Variants in SLC35F4 observed in about 807,000 individuals in gnomAD.
SLC35F4 encodes the protein solute carrier family 35 member F4.
Under a neutral mutation model 44.2 loss-of-function variants are expected in SLC35F4, and 24 were observed. The observed-to-expected ratio is 0.54, with a 90% CI of 0.39 to 0.76. The LOEUF (loss-of-function observed/expected upper bound fraction) is 0.76. SLC35F4 is among the 30% of genes least tolerant of loss of function. SLC35F4 has a pLI of 0.00. For missense variants in SLC35F4, 562 were observed against 586.1 expected (o/e 0.96, Z 0.42); for synonymous variants, 238 against 223.6 (o/e 1.06, Z -0.57).
chr14:57,849,044 T>C (rs892091064), intron 1 of SLC35F4, among the ~76,000 whole-genome samples: 2 of 152,332 alleles, frequency 1.3e-5, no homozygotes, highest in South Asian at 2.1e-4. Flanking sequence ...AATTTGAAAG[T>C]GGTATATAAT....
At chr14:57,829,762 T>C (rs990388831) in intron 1 of SLC35F4, among the ~76,000 whole-genome samples, 2 of 152,190 alleles carry the variant, frequency 1.3e-5, no homozygotes, top group Admixed American at 6.6e-5. Flanking sequence ...TGTGTGTGAT[T>C]CTGAGTCTTT....
At chr14:57,711,658 T>C (rs1218241225) in intron 1 of SLC35F4, among the ~76,000 whole-genome samples, 1 of 152,190 alleles carries the variant, frequency 6.6e-6, no homozygotes, top group Non-Finnish European at 1.5e-5. Flanking sequence ...GGAATCTCTA[T>C]AGTCACAGTC....
intron 1 of SLC35F4, among the ~76,000 whole-genome samples, chr14:57,740,686 A>C (rs890241375): frequency 1.3e-5 from 2 of 152,248 alleles, no homozygotes; most frequent in Non-Finnish European, 2.9e-5. Context: ...ACAAATACTT[A>C]TGGTGATGGC....
At chr14:57,968,943 T>A (rs957749594) in intron 1 of SLC35F4, among the ~76,000 whole-genome samples, 4 of 152,192 alleles carry the variant, frequency 2.6e-5, no homozygotes, top group African/African-American at 9.7e-5. Flanking sequence ...TCAAGACTAG[T>A]TTCAGAACTC....
intron 1 of SLC35F4, among the ~76,000 whole-genome samples, chr14:57,699,358 T>A (rs919206596): frequency 2.6e-5 from 4 of 152,178 alleles, no homozygotes; most frequent in Non-Finnish European, 5.9e-5. Context: ...CCCAAGCTTT[T>A]ATTTTAACAC....
At chr14:57,777,022 A>C (rs2077506322) in intron 1 of SLC35F4, among the ~76,000 whole-genome samples, 2 of 152,230 alleles carry the variant, frequency 1.3e-5, no homozygotes, top group South Asian at 4.1e-4. Flanking sequence ...TGACACGATA[A>C]AGCAACCACA....
At chr14:57,856,030 C>T (rs1407743295) in intron 1 of SLC35F4, among the ~76,000 whole-genome samples, 2 of 151,868 alleles carry the variant, frequency 1.3e-5, no homozygotes, top group African/African-American at 2.4e-5. Context: ...CACACACTGT[C>T]GGGGGTTGCT....
At chr14:57,649,217 C>G (rs574194912) in intron 1 of SLC35F4, among the ~76,000 whole-genome samples, 2 of 152,174 alleles carry the variant, frequency 1.3e-5, no homozygotes, top group African/African-American at 4.8e-5. Context: ...CTATTAGTTT[C>G]CTCTTGCGGC....
At chr14:57,657,481 A>AT (rs1267587630) in intron 1 of SLC35F4, among the ~76,000 whole-genome samples, 1 of 152,130 alleles carries the variant, frequency 6.6e-6, no homozygotes, top group Non-Finnish European at 1.5e-5. Flanking sequence ...GCATGACATA[A>AT]TTTACCCTAC....
intron 1 of SLC35F4, among the ~76,000 whole-genome samples, chr14:57,793,682 A>G (rs2077983461): frequency 6.6e-6 from 1 of 152,170 alleles, no homozygotes; most frequent in Non-Finnish European, 1.5e-5. Context: ...GCTGCAATAA[A>G]CATATGTGTC....
At chr14:57,945,998 G>C (rs1890019463) in intron 1 of SLC35F4, among the ~76,000 whole-genome samples, 1 of 152,042 alleles carries the variant, frequency 6.6e-6, no homozygotes, top group Non-Finnish European at 1.5e-5. Context: ...TGATTTGTTT[G>C]AGTGCCTTGT....
chr14:57,726,466 G>A (rs564269369), intron 1 of SLC35F4, among the ~76,000 whole-genome samples: 2 of 152,272 alleles, frequency 1.3e-5, no homozygotes, highest in South Asian at 4.1e-4. Context: ...TTAAAAACAT[G>A]TTTGTGCATA....
intron 1 of SLC35F4, among the ~76,000 whole-genome samples, chr14:57,966,967 G>A (rs991889103): frequency 5.9e-5 from 9 of 151,474 alleles, no homozygotes; most frequent in Admixed American, 3.9e-4. Context: ...CTGAGATTGC[G>A]CCTCTGCGTT....
chr14:57,764,651 T>C (rs1482751728), intron 1 of SLC35F4, among the ~76,000 whole-genome samples: 2 of 152,220 alleles, frequency 1.3e-5, no homozygotes, highest in Non-Finnish European at 2.9e-5. Context: ...CATTTAAATA[T>C]TGTAAATGGT....
chr14:57,700,927 A>C (rs1040891840), intron 1 of SLC35F4, among the ~76,000 whole-genome samples: 3 of 152,100 alleles, frequency 2.0e-5, no homozygotes, highest in African/African-American at 4.8e-5. Context: ...AAAGCCCCCC[A>C]AAAACAACAA....
At chr14:57,605,055 G>A (rs2140005031) in intron 1 of SLC35F4, among the ~76,000 whole-genome samples, 1 of 148,656 alleles carries the variant, frequency 6.7e-6, no homozygotes, top group Non-Finnish European at 1.5e-5. Flanking sequence ...AGGCAAAGAA[G>A]TTACGGCTAA....
At chr14:57,964,987 AAAAAATAT>A (rs1890410454) in intron 1 of SLC35F4, among the ~76,000 whole-genome samples, 2 of 131,420 alleles carry the variant, frequency 1.5e-5, no homozygotes, top group East Asian at 4.6e-4. Flanking sequence ...AAAAAAAAAA[AAAAAATAT>A]ATATATATAT....
chr14:57,589,406 A>C lies in SLC35F4; in HGVS notation c.397T>G (p.Leu133Val). The change falls in exon 3 of 8, where the codon TTG becomes GTG. Residue 133 changes from leucine (L) to valine (V), a missense_variant. By Grantham distance (32) the Leu-to-Val change is conservative. Transcript: ENST00000556826. Reference protein sequence around the residue: ...SMVLKGIWGLLIILSVSSSWV... With the variant: ...SMVLKGIWGLVIILSVSSSWV... ...GATGATGATACTGACAAGATGATCA[A>C]GAGTCCCCAGATGCCCTTCAGAACC... The C allele has an allele frequency of 6.2e-7, 1 of 1,614,044 alleles. No homozygotes were observed. The highest frequency in any genetic ancestry group is 8.5e-7 in the Non-Finnish European group (1 of 1,179,904).
At position 57,743,179 on chromosome 14, in the gene SLC35F4, A is replaced by C. The variant is rs561412968; in HGVS notation, c.103+122544T>G. Among the ~76,000 whole-genome samples, 13 of 152,362 alleles carry C rather than the reference A, an allele frequency of 8.5e-5. No homozygotes were observed. In the East Asian group the frequency reaches 1.5e-3, roughly 18 times the overall value. On this transcript the variant is annotated intron_variant, in intron 1 of 7. Coordinates refer to ENST00000556826, the MANE Select transcript of SLC35F4 (RefSeq NM_001306087.2). ...TGAAAAGAACTAGAGAATCAAGAGC[A>C]AACACATTCCAAAGCTAGCAGAAGG... is the stretch of plus-strand genomic sequence containing the variant.
Sources: allele counts gnomAD v4.1 joint callset (sites outside exome capture counted in the v4.1 genomes callset), GRCh38; gene constraint gnomAD v4.1.1; transcripts MANE v1.5; gene names NCBI Gene and HGNC (gene_info 2026-07-23, HGNC 2026-07-21).